KHDRBS3: variants seen among roughly 807,000 people sequenced by gnomAD.
KHDRBS3 encodes KH domain-containing, RNA-binding, signal transduction-associated protein 3.
A neutral mutation model predicts 45.6 loss-of-function variants in KHDRBS3; 23 were observed. The ratio of observed to expected loss-of-function variants is 0.50; its 90% CI spans 0.36 to 0.72. KHDRBS3 has a LOEUF of 0.72. Ranked by LOEUF, KHDRBS3 falls within the 30% of genes least tolerant of loss-of-function variation. The pLI is 0.00. For synonymous variants in KHDRBS3, 162 were observed against 156.5 expected (o/e 1.04, Z -0.26); for missense variants, 352 against 424.8 (o/e 0.83, Z 1.51).
intron 1 of KHDRBS3, among the ~76,000 whole-genome samples, chr8:135,480,573 C>T (rs757732369): frequency 5.3e-5 from 8 of 151,818 alleles, no homozygotes; most frequent in Non-Finnish European, 7.4e-5. Context: ...GTACAAATGT[C>T]TAGTACATAG....
chr8:135,492,575 C>T (rs1365743612), intron 1 of KHDRBS3, among the ~76,000 whole-genome samples: 1 of 150,904 alleles, frequency 6.6e-6, no homozygotes, highest in Non-Finnish European at 1.5e-5. Context: ...ATTTTCTCCA[C>T]TGAATGCCTC....
At chr8:135,574,763 T>C (rs1330482085) in intron 5 of KHDRBS3, among the ~76,000 whole-genome samples, 5 of 152,228 alleles carry the variant, frequency 3.3e-5, no homozygotes, top group South Asian at 2.1e-4. Context: ...ACTGGAGATA[T>C]ACAAAGATGG....
chr8:135,581,813 A>G, intron 5 of KHDRBS3, 65 bp from the exon 6 acceptor site: 1 of 1,201,276 alleles, frequency 8.3e-7, no homozygotes, highest in Non-Finnish European at 1.1e-6. Context: ...AGGTATAAAT[A>G]TATGTGAATA....
At chr8:135,553,736 A>G (rs1373716347) in intron 4 of KHDRBS3, among the ~76,000 whole-genome samples, 1 of 152,176 alleles carries the variant, frequency 6.6e-6, no homozygotes, top group Non-Finnish European at 1.5e-5. Context: ...TCTTCAGGCT[A>G]ACATACATTT....
At chr8:135,626,906 TTAA>T (rs1357714879) in intron 7 of KHDRBS3, among the ~76,000 whole-genome samples, 3 of 151,482 alleles carry the variant, frequency 2.0e-5, no homozygotes, top group Non-Finnish European at 2.9e-5. Context: ...CTAATAAAAA[TTAA>T]TAATTTTTTT....
chr8:135,649,842 A>G (rs113410935), downstream of KHDRBS3, among the ~76,000 whole-genome samples: 1 of 152,134 alleles, frequency 6.6e-6, no homozygotes, highest in Non-Finnish European at 1.5e-5. Flanking sequence ...CATTTTTTCA[A>G]AGCTTCCATA....
At chr8:135,621,622 G>C (rs1320216952) in intron 7 of KHDRBS3, among the ~76,000 whole-genome samples, 1 of 151,850 alleles carries the variant, frequency 6.6e-6, no homozygotes, top group Non-Finnish European at 1.5e-5. Context: ...TTATTGTTTA[G>C]TGGGTAGATT....
chr8:135,501,998 G>A (rs1459941454), intron 1 of KHDRBS3, among the ~76,000 whole-genome samples: 4 of 152,136 alleles, frequency 2.6e-5, no homozygotes, highest in Non-Finnish European at 5.9e-5. Flanking sequence ...AAGACCTGTA[G>A]AGGATTTTAA....
chr8:135,526,600 C>T (rs1053596567), intron 2 of KHDRBS3, among the ~76,000 whole-genome samples: 1 of 152,090 alleles, frequency 6.6e-6, no homozygotes, highest in Non-Finnish European at 1.5e-5. Flanking sequence ...AACGAAATAG[C>T]TGGAATAGCT....
chr8:135,525,039 T>C (rs1187661621), intron 2 of KHDRBS3, among the ~76,000 whole-genome samples: 1 of 152,170 alleles, frequency 6.6e-6, no homozygotes, highest in Non-Finnish European at 1.5e-5. Flanking sequence ...CTGGGAGTCT[T>C]TTATCTTGAT....
At chr8:135,494,959 CAG>C (rs1335075324) in intron 1 of KHDRBS3, among the ~76,000 whole-genome samples, 1 of 152,154 alleles carries the variant, frequency 6.6e-6, no homozygotes, top group Non-Finnish European at 1.5e-5. Flanking sequence ...ATAATGCAAG[CAG>C]AGTTTGTTGT....
chr8:135,542,953 T>C (rs1826116472), intron 3 of KHDRBS3, among the ~76,000 whole-genome samples, 183 bp downstream of exon 3: 1 of 152,242 alleles, frequency 6.6e-6, no homozygotes, highest in African/African-American at 2.4e-5. Context: ...GTAACCTTTA[T>C]AGTCATACAT....
chr8:135,617,421 G>A (rs955421907), intron 7 of KHDRBS3, among the ~76,000 whole-genome samples: 7 of 152,026 alleles, frequency 4.6e-5, no homozygotes, highest in African/African-American at 1.7e-4. Flanking sequence ...GGGACTACAG[G>A]AGTGCTCCAC....
At chr8:135,567,106 G>A (rs1351681889) in intron 5 of KHDRBS3, among the ~76,000 whole-genome samples, 1 of 152,058 alleles carries the variant, frequency 6.6e-6, no homozygotes, top group Non-Finnish European at 1.5e-5. Flanking sequence ...CAGCTGAGTG[G>A]GGTTGGAGTT....
chr8:135,502,619 G>A (rs560214530), intron 1 of KHDRBS3, among the ~76,000 whole-genome samples: 4 of 152,086 alleles, frequency 2.6e-5, no homozygotes, highest in South Asian at 4.2e-4. Flanking sequence ...GAATAGGGTC[G>A]GCATCATATT....
intron 7 of KHDRBS3, 46 bp downstream of exon 7, chr8:135,607,083 C>T (rs1309452426): frequency 7.1e-7 from 1 of 1,416,178 alleles, no homozygotes; most frequent in African/African-American, 1.4e-5. Context: ...GAAACCATCC[C>T]CTTCCACATT....
At chr8:135,533,714 C>G (rs944053300) in intron 2 of KHDRBS3, among the ~76,000 whole-genome samples, 1 of 152,138 alleles carries the variant, frequency 6.6e-6, no homozygotes, top group African/African-American at 2.4e-5. Flanking sequence ...ATATACTGAT[C>G]CTCGCTTACA....
At chr8:135,536,915 G>A (rs2130743096) in intron 2 of KHDRBS3, among the ~76,000 whole-genome samples, 1 of 135,246 alleles carries the variant, frequency 7.4e-6, no homozygotes, top group Middle Eastern at 4.5e-3. Context: ...AGCCGAGATT[G>A]CGCCACTGCA....
intron 2 of KHDRBS3, among the ~76,000 whole-genome samples, chr8:135,526,174 A>C (rs1825174396): frequency 6.6e-6 from 1 of 152,150 alleles, no homozygotes; most frequent in Admixed American, 6.6e-5. Context: ...TTGCACAATG[A>C]GGAAATCACC....
Sources: allele counts gnomAD v4.1 joint callset (sites outside exome capture counted in the v4.1 genomes callset), GRCh38; gene constraint gnomAD v4.1.1; transcripts MANE v1.5; gene names NCBI Gene and HGNC (gene_info 2026-07-23, HGNC 2026-07-21).